The following OGDHL variants were observed in gnomAD, a reference collection of about 807,000 sequenced individuals.
The protein encoded by OGDHL is oxoglutarate dehydrogenase L.
In OGDHL, 79 loss-of-function variants were observed where a neutral mutation model predicts 109.6. That is an observed-to-expected ratio of 0.72 (90% confidence interval 0.60 to 0.87). The LOEUF (loss-of-function observed/expected upper bound fraction) is 0.87, where lower values mean the gene tolerates loss of function less well. Among genes scored for constraint, OGDHL ranks in the 40% least tolerant of loss-of-function variants. The pLI is 0.00. For missense variants in OGDHL, 1,275 were observed against 1,362.2 expected (o/e 0.94, Z 1.01); for synonymous variants, 528 against 537.2 (o/e 0.98, Z 0.24).
Position 49,744,654 on chromosome 10 carries a change from C to T in OGDHL, c.1728G>A (p.Trp576Ter). 6.2e-7 allele frequency: 1 copy of T among 1,613,740 alleles called. No individual in the cohort carries two copies. Among genetic ancestry groups the T allele is most frequent in the Non-Finnish European group, 8.5e-7 (1 of 1,179,642 alleles). The change falls in exon 13 of 23, where the codon TGG becomes TGA. Residue 576 changes from tryptophan (W) to a stop codon, truncating the protein, a stop_gained. Transcript: ENST00000374103. LOFTEE classifies it high-confidence loss of function. The stretch of plus-strand genomic sequence containing the variant: ...AGCCACACACTGCTCGCTCACCAGG[C>T]CAGGGGGAGTCCAACCAGTGCTTTA... ...LHIKHWLDSP[W>*]PGFFNVDGEP...
intron 22 of OGDHL, 115 bp from the exon 23 acceptor site, chr10:49,735,466 T>C: frequency 5.5e-6 from 7 of 1,276,608 alleles, no homozygotes; most frequent in East Asian, 2.4e-5. Context: ...CTCGAAGCCA[T>C]AGACCCTGCC....
intron 1 of OGDHL, among the ~76,000 whole-genome samples, chr10:49,760,536 C>A (rs1261678132): frequency 6.6e-6 from 1 of 152,220 alleles, no homozygotes; most frequent in Admixed American, 6.5e-5. Context: ...AATCCACAAC[C>A]CAGGACGCTT....
Position 49,751,967 on chromosome 10 carries a change from C to G in OGDHL, c.609G>C (p.Gln203His), listed in dbSNP as rs751546297. ...TGAACATGAACTCCAGGCCAATGTG[C>G]TGGCAGTAGGTGTTCTGGGGAGACA... ...IIRRLENTYC[Q>H]HIGLEFMFIN... Residue 203 changes from glutamine to histidine, a missense_variant, in exon 6 of 23, where the codon CAG becomes CAC. Coordinates refer to ENST00000374103, the MANE Select transcript of OGDHL (RefSeq NM_018245.3). 6.2e-7 allele frequency: 1 copy of G among 1,614,186 alleles called. No homozygotes were observed. Among genetic ancestry groups the G allele is most frequent in the Admixed American group, 1.7e-5 (1 of 60,024 alleles).
At chr10:49,752,821 C>T (rs776677788) in intron 3 of OGDHL, 81 bp from the exon 4 acceptor site, 6 of 956,270 alleles carry the variant, frequency 6.3e-6, no homozygotes, top group Non-Finnish European at 9.7e-6. Flanking sequence ...GGGCCCCAGC[C>T]CCTCTCTTCC....
intron 3 of OGDHL, 67 bp downstream of exon 3, chr10:49,756,709 C>T (rs2133095822): frequency 6.8e-7 from 1 of 1,476,472 alleles, no homozygotes; most frequent in Middle Eastern, 1.9e-4. Flanking sequence ...GACCCCTTCC[C>T]TTCAGTGCCT....
Position 49,745,739 on chromosome 10 carries a change from G to T in OGDHL, c.1476+59C>A, listed in dbSNP as rs1842131123. On this transcript the variant is annotated intron_variant, in intron 11 of 22. Coordinates refer to ENST00000374103, the MANE Select transcript of OGDHL (RefSeq NM_018245.3). Reference sequence around the variant, plus strand: ...GCTGAAGATGCTGATGACATGGCTGGCTCAGCACAGCAGGGATGGGCCACC... The same window carrying T: ...GCTGAAGATGCTGATGACATGGCTGTCTCAGCACAGCAGGGATGGGCCACC... 4 of 1,564,756 alleles carry T rather than the reference G, an allele frequency of 2.6e-6. No homozygotes were observed. In the South Asian group the frequency reaches 3.5e-5, roughly 14 times the overall value.
rs754716789 is a variant in OGDHL at position 49,740,753 on chromosome 10, C to T, written c.2097G>A (p.Pro699=). The T allele has an allele frequency of 5.8e-5, 94 of 1,613,720 alleles. 1 individual carries two copies. Among genetic ancestry groups the T allele is most frequent in the Non-Finnish European group, 5.9e-5 (70 of 1,179,814 alleles). The change falls in exon 16 of 23, where the codon CCG becomes CCA. Residue 699 remains proline (P), a synonymous_variant. Coordinates refer to ENST00000374103, the MANE Select transcript of OGDHL (RefSeq NM_018245.3). ...PMNHLWPDQA[P]YTVCNSSLSE... The stretch of plus-strand genomic sequence containing the variant: ...AGAGGGAGCTGTTGCACACGGTGTA[C>T]GGGGCCTGGTCAGGCCAGAGATGAT...
rs191673439 is a variant in OGDHL at position 49,757,085 on chromosome 10, A to C, written c.205-139T>G. The C allele has an allele frequency of 6.2e-5, 45 of 731,658 alleles. 1 individual carries two copies. In the Admixed American group the frequency reaches 1.2e-3, roughly 19 times the overall value. 45.3% of individuals were successfully genotyped at this position (731,658 alleles called of 1,614,324 possible). A position where few individuals can be genotyped will look rare whatever the true frequency, so the allele number is the denominator to read the frequency against. ...GGGCCTTCCCAGGGTGCCTAGATGTACATACAACGATGTTCCCTGCAGAAC... is the reference window on the plus strand; with the variant it reads ...GGGCCTTCCCAGGGTGCCTAGATGTCCATACAACGATGTTCCCTGCAGAAC... On this transcript the variant is annotated intron_variant, in intron 2 of 22. Coordinates refer to ENST00000374103, the MANE Select transcript of OGDHL (RefSeq NM_018245.3).
intron 8 of OGDHL, 103 bp from the exon 9 acceptor site, chr10:49,747,311 C>A (rs1483017490): frequency 7.8e-6 from 10 of 1,276,176 alleles, no homozygotes; most frequent in Admixed American, 1.9e-5. Context: ...CACATTCCCC[C>A]GATCCCACTG....
intron 12 of OGDHL, 57 bp from the exon 13 acceptor site, chr10:49,744,809 C>A: frequency 7.2e-7 from 1 of 1,384,512 alleles, no homozygotes; most frequent in Non-Finnish European, 1.0e-6. Flanking sequence ...GCCAGACGCC[C>A]AGTCCACTTG....
chr10:49,752,213 C>T lies in OGDHL; in HGVS notation c.514G>A (p.Glu172Lys), dbSNP rs1182926830. ...AAGGTGGTTGTCGGCAGCTGGAACTCCTTATCAAGGTCAGCCTCCTGAAGG... is the reference window on the plus strand; with the variant it reads ...AAGGTGGTTGTCGGCAGCTGGAACTTCTTATCAAGGTCAGCCTCCTGAAGG... Reference protein sequence around the residue: ...YDLQEADLDKEFQLPTTTFIG... With the variant: ...YDLQEADLDKKFQLPTTTFIG... Residue 172 changes from glutamate to lysine, a missense_variant, in exon 5 of 23, where the codon GAG (glutamate) becomes AAG (lysine). Transcript: ENST00000374103. 2.5e-6 allele frequency: 4 copies of T among 1,613,996 alleles called. No individual in the cohort carries two copies. Among genetic ancestry groups the T allele is most frequent in the Non-Finnish European group, 3.4e-6 (4 of 1,180,046 alleles).
chr10:49,735,928 G>C, intron 22 of OGDHL, 95 bp downstream of exon 22: 1 of 1,359,602 alleles, frequency 7.4e-7, no homozygotes, highest in South Asian at 1.7e-5. Context: ...GAGAAGGGCA[G>C]GGCCAGTTCT....
At chr10:49,740,889 G>T in intron 15 of OGDHL, 52 bp from the exon 16 acceptor site, 1 of 1,608,288 alleles carries the variant, frequency 6.2e-7, no homozygotes, top group South Asian at 1.1e-5. Flanking sequence ...GCTGGCACCT[G>T]TTCACCTGGA....
chr10:49,738,234 T>G lies in OGDHL; in HGVS notation c.2348A>C (p.Glu783Ala), dbSNP rs966616442. ...ATCATTGCTCATCTGCAGGAACCTT[T>G]CGGGCCTCGCTGACGAGTGCTCTGG... ...MGPEHSSARPERFLQMSNDDS... is the reference protein window; with the variant it reads ...MGPEHSSARPARFLQMSNDDS... The change falls in exon 18 of 23, where the codon GAA (glutamate) becomes GCA (alanine). Residue 783 changes from glutamate (E) to alanine (A), a missense_variant. Transcript: ENST00000374103. The G allele has an allele frequency of 6.2e-7, 1 of 1,613,594 alleles. No homozygotes were observed.
In OGDHL at chr10:49,758,539, G is replaced by A. The variant is rs188042125; in HGVS notation, c.54C>T (p.Leu18=). ...PSRLGVQAAR[L]LAAHDVPVFG... is the part of the protein sequence containing the mutation. ...ACACCGGGACGTCATGTGCAGCCAG[G>A]AGCCTCGCAGCCTGTACCCCAAGAC... The change falls in exon 2 of 23, where the codon CTC becomes CTT. Residue 18 remains leucine, a synonymous_variant. Transcript: ENST00000374103. 8.2e-4 allele frequency: 1,329 copies of A among 1,613,884 alleles called. 16 individuals carry two copies. The Admixed American group carries it at 0.02, about 25-fold the overall frequency.
intron 3 of OGDHL, 141 bp downstream of exon 3, chr10:49,756,635 G>A (rs995211302): frequency 2.6e-6 from 2 of 774,518 alleles, no homozygotes; most frequent in African/African-American, 3.5e-5. Flanking sequence ...CTGGCTAGAG[G>A]AGTAGGTGCC....
At chr10:49,740,555 T>A (rs376034685) in intron 16 of OGDHL, among the ~76,000 whole-genome samples, 155 bp downstream of exon 16, 179 of 151,914 alleles carry the variant, frequency 1.2e-3, no homozygotes, top group African/African-American at 4.2e-3. Flanking sequence ...TGGCCTTAGG[T>A]GAGGGCAGCC....
intron 20 of OGDHL, among the ~76,000 whole-genome samples, chr10:49,736,755 C>T (rs565246386): frequency 1.3e-5 from 2 of 152,290 alleles, no homozygotes; most frequent in South Asian, 2.1e-4. Flanking sequence ...GGAAGCATCA[C>T]GTTTAAGGTG....
At chr10:49,741,423 A>C (rs1263612116) in intron 15 of OGDHL, among the ~76,000 whole-genome samples, 2 of 152,202 alleles carry the variant, frequency 1.3e-5, no homozygotes, top group East Asian at 3.9e-4. Context: ...CAGCCGAGAT[A>C]AGCAACCAGG....
Sources: gnomAD v4.1 joint callset for allele counts (sites outside exome capture counted in the v4.1 genomes callset) on GRCh38, gnomAD v4.1.1 for gene constraint, MANE v1.5 for transcripts, NCBI Gene and HGNC (gene_info 2026-07-23, HGNC 2026-07-21) for gene names.